The following CHRM3 variants were observed in gnomAD, a reference collection of about 807,000 sequenced individuals.
CHRM3 encodes the protein muscarinic acetylcholine receptor M3.
Under a neutral mutation model 41.8 loss-of-function variants are expected in CHRM3, and 11 were observed. The observed-to-expected ratio is 0.26, with a 90% CI of 0.17 to 0.44. CHRM3 has a LOEUF of 0.44. Among genes scored for constraint, CHRM3 ranks in the 20% least tolerant of loss-of-function variants. The pLI, the probability that CHRM3 is intolerant of heterozygous loss-of-function variation, is 1.00. For missense variants in CHRM3, 571 were observed against 745.4 expected (o/e 0.77, Z 2.72); for synonymous variants, 297 against 301.4 (o/e 0.99, Z 0.15).
intron 2 of CHRM3, among the ~76,000 whole-genome samples, chr1:239,506,050 C>T (rs930926577): frequency 6.6e-6 from 1 of 152,036 alleles, no homozygotes; most frequent in Non-Finnish European, 1.5e-5. Context: ...CAAGAGGTGA[C>T]TTGGGTGCTG....
intron 6 of CHRM3, among the ~76,000 whole-genome samples, chr1:239,866,412 A>G (rs894663860): frequency 1.3e-5 from 2 of 151,972 alleles, no homozygotes; most frequent in African/African-American, 2.4e-5. Context: ...AAACAAAAAA[A>G]AAAAAGCTTG....
At chr1:239,727,492 G>A (rs1353520411) in intron 5 of CHRM3, among the ~76,000 whole-genome samples, 2 of 151,772 alleles carry the variant, frequency 1.3e-5, no homozygotes, top group Non-Finnish European at 2.9e-5. Flanking sequence ...ATTTGAAATC[G>A]TGTGCTATAA....
At chr1:239,881,130 A>G (rs909699921) in intron 6 of CHRM3, among the ~76,000 whole-genome samples, 1 of 151,512 alleles carries the variant, frequency 6.6e-6, no homozygotes, top group Admixed American at 6.6e-5. Context: ...AAAAATACAA[A>G]AAATTAGCCG....
chr1:239,576,374 A>T (rs1489215229), intron 3 of CHRM3, among the ~76,000 whole-genome samples: 2 of 152,126 alleles, frequency 1.3e-5, no homozygotes, highest in Non-Finnish European at 2.9e-5. Context: ...AGAGAGCATT[A>T]GCATGATTCT....
intron 5 of CHRM3, among the ~76,000 whole-genome samples, chr1:239,798,263 G>T (rs1669951016): frequency 6.6e-6 from 1 of 152,084 alleles, no homozygotes; most frequent in Non-Finnish European, 1.5e-5. Flanking sequence ...TTACCATTGT[G>T]ACTTCCAGTG....
intron 1 of CHRM3, among the ~76,000 whole-genome samples, chr1:239,447,953 CG>C (rs774987321): frequency 6.6e-6 from 1 of 152,282 alleles, no homozygotes. Context: ...ATCCCAGCCA[CG>C]TTGCTGAGAA....
At chr1:239,671,362 A>G (rs1434568195) in intron 4 of CHRM3, among the ~76,000 whole-genome samples, 2 of 152,160 alleles carry the variant, frequency 1.3e-5, no homozygotes, top group Admixed American at 6.5e-5. Flanking sequence ...GGATCACTTG[A>G]GTCCAGAGTT....
intron 6 of CHRM3, among the ~76,000 whole-genome samples, chr1:239,901,999 A>C (rs1227147459): frequency 1.3e-5 from 2 of 151,942 alleles, no homozygotes; most frequent in South Asian, 2.1e-4. Context: ...GATTTTTCTT[A>C]TTTTCCTAGT....
intron 3 of CHRM3, among the ~76,000 whole-genome samples, chr1:239,571,133 T>A (rs1661785000): frequency 6.6e-6 from 1 of 152,048 alleles, no homozygotes; most frequent in South Asian, 2.1e-4. Flanking sequence ...CCCAGAGAAA[T>A]GACATCATAA....
intron 4 of CHRM3, among the ~76,000 whole-genome samples, chr1:239,636,765 A>G (rs946482079): frequency 6.6e-6 from 1 of 152,224 alleles, no homozygotes; most frequent in Non-Finnish European, 1.5e-5. Flanking sequence ...TGCGTCTAAT[A>G]AAAGTCAGAA....
intron 6 of CHRM3, among the ~76,000 whole-genome samples, chr1:239,873,798 A>AT (rs1676800109): frequency 6.6e-6 from 1 of 152,036 alleles, no homozygotes; most frequent in Non-Finnish European, 1.5e-5. Context: ...TTTCCTCTGC[A>AT]TATCTTGAGC....
At chr1:239,840,731 A>G (rs1673728342) in intron 6 of CHRM3, among the ~76,000 whole-genome samples, 3 of 152,100 alleles carry the variant, frequency 2.0e-5, no homozygotes, top group African/African-American at 7.2e-5. Context: ...CATTTTTTGC[A>G]TTTATATATT....
chr1:239,535,720 G>T (rs1282916282), intron 2 of CHRM3, among the ~76,000 whole-genome samples: 2 of 151,774 alleles, frequency 1.3e-5, no homozygotes, highest in Non-Finnish European at 1.5e-5. Context: ...GCACATTTCT[G>T]ACCTGAAACT....
At chr1:239,637,869 C>T (rs544141101) in intron 4 of CHRM3, among the ~76,000 whole-genome samples, 213 of 149,366 alleles carry the variant, frequency 1.4e-3, no homozygotes, top group South Asian at 4.9e-3. Context: ...CCCATTAACT[C>T]GTCATTTAGC....
intron 1 of CHRM3, among the ~76,000 whole-genome samples, chr1:239,472,863 A>G (rs1484022962): frequency 6.6e-6 from 1 of 152,188 alleles, no homozygotes; most frequent in Non-Finnish European, 1.5e-5. Flanking sequence ...CATATCCTGC[A>G]CGTGTACCCC....
chr1:239,574,568 C>T (rs1228881636), intron 3 of CHRM3, among the ~76,000 whole-genome samples: 1 of 152,122 alleles, frequency 6.6e-6, no homozygotes, highest in Non-Finnish European at 1.5e-5. Flanking sequence ...CTTCCTTCCT[C>T]CTGCATCCAG....
intron 1 of CHRM3, among the ~76,000 whole-genome samples, chr1:239,487,267 T>G (rs1227909290): frequency 6.6e-6 from 1 of 152,170 alleles, no homozygotes; most frequent in Non-Finnish European, 1.5e-5. Context: ...AAAATATTAT[T>G]CGTTTTTCAA....
intron 1 of CHRM3, among the ~76,000 whole-genome samples, chr1:239,411,028 T>C (rs111949768): frequency 1.3e-5 from 2 of 152,352 alleles, no homozygotes; most frequent in African/African-American, 4.8e-5. Flanking sequence ...ATGTTCACTC[T>C]ATTTTGTTTT....
At chr1:239,529,322 C>A (rs1055147522) in intron 2 of CHRM3, among the ~76,000 whole-genome samples, 2 of 151,806 alleles carry the variant, frequency 1.3e-5, no homozygotes, top group East Asian at 1.9e-4. Context: ...TTATAAGATG[C>A]CTTTTTGGCC....
Sources: gnomAD v4.1 joint callset for allele counts (sites outside exome capture counted in the v4.1 genomes callset) on GRCh38, gnomAD v4.1.1 for gene constraint, MANE v1.5 for transcripts, NCBI Gene and HGNC (gene_info 2026-07-23, HGNC 2026-07-21) for gene names.